Variants in CRTC1 observed in about 807,000 individuals in gnomAD.
CRTC1 encodes the protein CREB-regulated transcription coactivator 1.
Under a neutral mutation model 66.1 loss-of-function variants are expected in CRTC1, and 18 were observed. The observed-to-expected ratio is 0.27, with a 90% CI of 0.19 to 0.40. CRTC1 has a LOEUF of 0.40. Ranked by LOEUF, CRTC1 falls within the 10% of genes least tolerant of loss-of-function variation. The pLI is 1.00. For missense variants in CRTC1, 669 were observed against 887.9 expected (o/e 0.75, Z 3.13); for synonymous variants, 416 against 398.8 (o/e 1.04, Z -0.51).
intron 1 of CRTC1, among the ~76,000 whole-genome samples, chr19:18,737,748 C>CCTCCTCCTG (rs1265631808): frequency 4.6e-5 from 7 of 152,020 alleles, no homozygotes; most frequent in African/African-American, 1.4e-4. Context: ...TGCTCCTCCT[C>CCTCCTCCTG]CTCCTCCTCC....
intron 2 of CRTC1, chr19:18,744,228 G>A (rs552391738): frequency 8.7e-5 from 128 of 1,465,544 alleles, no homozygotes; most frequent in African/African-American, 6.9e-4. Context: ...GTGTGCGGGC[G>A]CTGGGGATCC....
Position 18,777,046 on chromosome 19 carries a change from TC to T in CRTC1, c.1694-121del. 1.6e-6 allele frequency: 1 copy of T among 643,904 alleles called. No individual in the cohort carries two copies. Among genetic ancestry groups the T allele is most frequent in the Non-Finnish European group, 2.8e-6 (1 of 359,138 alleles). 39.9% of individuals were successfully genotyped at this position (643,904 alleles called of 1,614,324 possible). A position where few individuals can be genotyped will look rare whatever the true frequency, so the allele number is the denominator to read the frequency against. ...TCCCCCAGTCATGACAGCTGGAATG[TC>T]CCCAGACATTGCCAGCATACCCAGG... is the stretch of plus-strand genomic sequence containing the variant. On this transcript the variant is annotated intron_variant, in intron 13 of 13. Transcript: ENST00000321949. The surrounding 1 kb of genome is among the most constrained non-coding windows in gnomAD (Gnocchi z 5.5).
At chr19:18,722,711 G>T (rs2053656347) in intron 1 of CRTC1, among the ~76,000 whole-genome samples, 1 of 152,172 alleles carries the variant, frequency 6.6e-6, no homozygotes, top group Non-Finnish European at 1.5e-5. Context: ...CTTCCCTTCT[G>T]TCTGCGCCCA....
At chr19:18,729,571 C>T (rs1035882543) in intron 1 of CRTC1, among the ~76,000 whole-genome samples, 2 of 151,818 alleles carry the variant, frequency 1.3e-5, no homozygotes, top group Non-Finnish European at 2.9e-5. Flanking sequence ...ATAGGGAGAC[C>T]GCGTCTCTAC....
chr19:18,744,012 C>A, intron 2 of CRTC1: 1 of 1,360,508 alleles, frequency 7.4e-7, no homozygotes, highest in Non-Finnish European at 1.0e-6. Flanking sequence ...TGTCTGTCGC[C>A]CGAGGCCCAC....
intron 1 of CRTC1, among the ~76,000 whole-genome samples, chr19:18,727,182 C>T (rs958464038): frequency 6.6e-6 from 1 of 151,968 alleles, no homozygotes; most frequent in Non-Finnish European, 1.5e-5. Flanking sequence ...CCCAGGAGTT[C>T]AAGGCTGCCA....
rs553729731 is a variant in CRTC1, at chr19:18,775,048, C to T, written c.1512+62C>T. 9 of 1,506,578 alleles carry T rather than the reference C, an allele frequency of 6.0e-6. No homozygotes were observed. The African/African-American group carries it at 6.8e-5, about 11-fold the overall frequency. The allele number at this position is 1,506,578 out of a possible 1,614,324, so 93.3% of individuals were successfully genotyped here. A position where few individuals can be genotyped will look rare whatever the true frequency, so the allele number is the denominator to read the frequency against. On this transcript the variant is annotated intron_variant, in intron 12 of 13. Transcript: ENST00000321949. ...CAGGACAGATGCTTGCTGGGACCCT[C>T]GCTGGGACCCGGGCCTTGCGAGTCA...
chr19:18,716,257 CTTTT>C (rs1216463325), intron 1 of CRTC1, among the ~76,000 whole-genome samples: 1 of 144,178 alleles, frequency 6.9e-6, no homozygotes, highest in South Asian at 2.2e-4. Context: ...CCGAATGACT[CTTTT>C]TTTTTTTTTG....
rs762404416 is a variant in CRTC1, at chr19:18,777,523, C to A, written c.*141C>A. ...CGCCAAGCGCCCCCCGCCAGCCCGC[C>A]CCCGGTTGTCCACCTCCCGCGAAGC... On this transcript the variant is annotated 3_prime_UTR_variant, in exon 14 of 14. Transcript: ENST00000321949. The surrounding 1 kb of genome is among the most constrained non-coding windows in gnomAD (Gnocchi z 5.5). 2 of 782,808 alleles carry A rather than the reference C, an allele frequency of 2.6e-6. No individual in the cohort carries two copies. Among genetic ancestry groups the A allele is most frequent in the South Asian group, 1.6e-5 (1 of 61,432 alleles). The allele number at this position is 782,808 out of a possible 1,614,324, so 48.5% of individuals were successfully genotyped here.
intron 6 of CRTC1, among the ~76,000 whole-genome samples, chr19:18,758,682 G>A (rs2054547206): frequency 6.6e-6 from 1 of 152,184 alleles, no homozygotes; most frequent in African/African-American, 2.4e-5. Context: ...CTGCAAAGCT[G>A]GTCAGCCCCA....
chr19:18,734,031 G>A (rs1356789323), intron 1 of CRTC1, among the ~76,000 whole-genome samples: 1 of 152,166 alleles, frequency 6.6e-6, no homozygotes. Flanking sequence ...GACCCCGGCA[G>A]GTGGAGGTTG....
intron 1 of CRTC1, among the ~76,000 whole-genome samples, chr19:18,714,972 A>G (rs1315963085): frequency 1.3e-5 from 2 of 152,184 alleles, no homozygotes; most frequent in Non-Finnish European, 2.9e-5. Flanking sequence ...CACAGTTTTT[A>G]TTATTGTCCT....
chr19:18,759,970 A>G (rs1323455955), intron 7 of CRTC1, 38 bp from the exon 8 acceptor site: 6 of 1,029,116 alleles, frequency 5.8e-6, no homozygotes, highest in Non-Finnish European at 5.3e-6. Flanking sequence ...GCCCCGCCCC[A>G]TGAGCTCACC....
intron 8 of CRTC1, among the ~76,000 whole-genome samples, chr19:18,762,721 G>A (rs541361091): frequency 7.5e-4 from 115 of 152,346 alleles, no homozygotes; most frequent in Non-Finnish European, 1.5e-3. Flanking sequence ...CTCTGTGCCT[G>A]TTCCCAAAGG....
At chr19:18,725,521 G>T (rs1201742502) in intron 1 of CRTC1, among the ~76,000 whole-genome samples, 1 of 103,438 alleles carries the variant, frequency 9.7e-6, no homozygotes, top group Non-Finnish European at 1.9e-5. Flanking sequence ...CCACACACGG[G>T]CCCCTGGGTT....
intron 1 of CRTC1, among the ~76,000 whole-genome samples, chr19:18,729,118 G>A (rs924799915): frequency 1.4e-5 from 2 of 143,042 alleles, no homozygotes; most frequent in East Asian, 2.4e-4. Flanking sequence ...TGCCCGCCTT[G>A]TTTTCTTTAG....
Position 18,771,647 on chromosome 19 carries a change from C to T in CRTC1, c.1425+101C>T. The T allele has an allele frequency of 1.1e-6, 1 of 870,712 alleles. No homozygotes were observed. The highest frequency in any genetic ancestry group is 1.8e-6 in the Non-Finnish European group (1 of 541,790). 53.9% of individuals were successfully genotyped at this position (870,712 alleles called of 1,614,324 possible). On this transcript the variant is annotated intron_variant, in intron 11 of 13. Coordinates refer to ENST00000321949, the MANE Select transcript of CRTC1 (RefSeq NM_015321.3). The surrounding 1 kb of genome is among the most constrained non-coding windows in gnomAD (Gnocchi z 4.6). ...CTGTCTGTCCTCATGCATCGCTCCT[C>T]ATGCATGTCCTCATGCATCCCATCC...
Position 18,782,308 on chromosome 19 carries a change from G to A in CRTC1, c.*4926G>A, listed in dbSNP as rs76936388. 0.056 allele frequency: 11,950 copies of A among 212,494 alleles called. 464 individuals are homozygous for A. Among genetic ancestry groups the A allele is most frequent in the Non-Finnish European group, 0.082 (8,570 of 104,434 alleles). 13.2% of individuals were successfully genotyped at this position (212,494 alleles called of 1,614,324 possible). On this transcript the variant is annotated 3_prime_UTR_variant, in exon 14 of 14. Transcript: ENST00000321949. ...ACCTTTGCATCCTTTGTAATGAAAC[G>A]TAATAAAAATCCAACGTTTTCGTCA...
chr19:18,776,135 G>A (rs1400478588), intron 13 of CRTC1, among the ~76,000 whole-genome samples: 2 of 152,346 alleles, frequency 1.3e-5, no homozygotes, highest in African/African-American at 4.8e-5. Context: ...CCGGGTACAC[G>A]GTGCCCACTG....
Sources: gnomAD v4.1 joint callset for allele counts (sites outside exome capture counted in the v4.1 genomes callset) on GRCh38, gnomAD v4.1.1 for gene constraint, Gnocchi (gnomAD v3.1) non-coding constraint, MANE v1.5 for transcripts, NCBI Gene and HGNC (gene_info 2026-07-23, HGNC 2026-07-21) for gene names.